TEKTL1: variants seen among roughly 807,000 people sequenced by gnomAD.
TEKTL1 encodes tektin like 1, also known as tektin-like protein 1.
chr19:15,015,142 A>T, the TEKTL1 span, among the ~76,000 whole-genome samples: 2 of 152,164 alleles, frequency 1.3e-5, no homozygotes, highest in African/African-American at 4.8e-5. Flanking sequence ...AGCCATGATC[A>T]TACCTCTGCG....
the TEKTL1 span, among the ~76,000 whole-genome samples, chr19:15,019,002 G>A: frequency 6.6e-6 from 1 of 151,988 alleles, no homozygotes; most frequent in African/African-American, 2.4e-5. Context: ...AGGCTACAGT[G>A]CAGTGGTGCA....
chr19:15,011,798 G>C, the TEKTL1 span, among the ~76,000 whole-genome samples: 1 of 151,222 alleles, frequency 6.6e-6, no homozygotes, highest in Non-Finnish European at 1.5e-5. Context: ...AAGGGCACAA[G>C]AAGATGAGGG....
the TEKTL1 span, chr19:15,023,032 C>G: frequency 1.9e-6 from 3 of 1,612,592 alleles, no homozygotes; most frequent in Non-Finnish European, 1.7e-6. Context: ...GGCAACCGCA[C>G]GTGTGCTACG....
At chr19:15,013,701 A>G in the TEKTL1 span, 3 of 1,613,646 alleles carry the variant, frequency 1.9e-6, no homozygotes, top group African/African-American at 2.7e-5. Flanking sequence ...GTATGCTTAC[A>G]TGGGAGAAAG....
At chr19:15,021,214 C>T in the TEKTL1 span, 4 of 1,062,830 alleles carry the variant, frequency 3.8e-6, no homozygotes, top group Admixed American at 5.2e-5. Context: ...CACTATCCCC[C>T]GCGCCCCCTG....
chr19:15,020,605 C>T, the TEKTL1 span: 41 of 1,614,006 alleles, frequency 2.5e-5, no homozygotes, highest in East Asian at 1.3e-4. Context: ...CCCCACTCCA[C>T]GCACACAGGG....
the TEKTL1 span, chr19:15,013,535 A>C: frequency 3.6e-5 from 23 of 630,630 alleles, no homozygotes; most frequent in African/African-American, 4.2e-4. Flanking sequence ...CACCCCACCC[A>C]AAGGATGAGA....
At chr19:15,012,559 CA>C in the TEKTL1 span, among the ~76,000 whole-genome samples, 1 of 67,340 alleles carries the variant, frequency 1.5e-5, no homozygotes, top group African/African-American at 5.3e-5. Context: ...GACTCAAAAA[CA>C]AACAAACAAA....
the TEKTL1 span, chr19:15,021,715 C>G: frequency 6.2e-7 from 1 of 1,613,626 alleles, no homozygotes; most frequent in Non-Finnish European, 8.5e-7. Flanking sequence ...CATCAAGGTA[C>G]GGTTCGGGGT....
the TEKTL1 span, among the ~76,000 whole-genome samples, chr19:15,020,100 G>C: frequency 6.6e-6 from 1 of 151,692 alleles, no homozygotes; most frequent in African/African-American, 2.4e-5. Context: ...TTGAAGCCAG[G>C]AGTTCAAGAC....
chr19:15,020,964 C>G, the TEKTL1 span, among the ~76,000 whole-genome samples: 1 of 151,942 alleles, frequency 6.6e-6, no homozygotes. Context: ...ACTGCAACCT[C>G]CGCCTCCCAG....
At chr19:15,016,050 T>C in the TEKTL1 span, among the ~76,000 whole-genome samples, 5 of 149,722 alleles carry the variant, frequency 3.3e-5, no homozygotes, top group Admixed American at 3.3e-4. Context: ...GTAGCAAAAC[T>C]CAGTAAGGAT....
At chr19:15,016,602 T>C in the TEKTL1 span, among the ~76,000 whole-genome samples, 605 of 152,332 alleles carry the variant, frequency 4.0e-3, 4 homozygotes, top group African/African-American at 0.014. Flanking sequence ...GTCTGCTTTT[T>C]AACCAAATGA....
chr19:15,021,051 T>G, the TEKTL1 span, among the ~76,000 whole-genome samples: 8 of 152,076 alleles, frequency 5.3e-5, no homozygotes, highest in Admixed American at 4.6e-4. Flanking sequence ...GGCTAATTTT[T>G]GTATTTTTAG....
the TEKTL1 span, among the ~76,000 whole-genome samples, chr19:15,014,774 G>A: frequency 6.7e-6 from 1 of 149,686 alleles, no homozygotes; most frequent in Non-Finnish European, 1.5e-5. Flanking sequence ...GTGCTGAATC[G>A]GAATACTGCA....
chr19:15,012,105 A>T, the TEKTL1 span, among the ~76,000 whole-genome samples: 9 of 150,056 alleles, frequency 6.0e-5, no homozygotes, highest in South Asian at 4.2e-4. Context: ...AAAAAAAAAA[A>T]TTTTTAGTGG....
chr19:15,012,439 C>T, the TEKTL1 span, among the ~76,000 whole-genome samples: 1 of 152,112 alleles, frequency 6.6e-6, no homozygotes, highest in Non-Finnish European at 1.5e-5. Flanking sequence ...GTGGTGCATG[C>T]CTCTAGTCCC....
the TEKTL1 span, among the ~76,000 whole-genome samples, chr19:15,022,576 G>A: frequency 6.6e-6 from 1 of 152,128 alleles, no homozygotes; most frequent in Non-Finnish European, 1.5e-5. Flanking sequence ...TGATCCGCCC[G>A]CCTCGGCCTC....
the TEKTL1 span, chr19:15,013,751 TG>T: frequency 6.2e-7 from 1 of 1,613,216 alleles, no homozygotes; most frequent in Non-Finnish European, 8.5e-7. Context: ...GAGAGAGATA[TG>T]GAAAAATCAG....
Sources: gnomAD v4.1 joint callset for allele counts (sites outside exome capture counted in the v4.1 genomes callset) on GRCh38, gnomAD v4.1.1 for gene constraint, MANE v1.5 for transcripts, NCBI Gene and HGNC (gene_info 2026-07-23, HGNC 2026-07-21) for gene names.